The following FANCA variants were observed in gnomAD, a reference collection of about 807,000 sequenced individuals.
FANCA encodes the protein Fanconi anemia group A protein.
A neutral mutation model predicts 194.3 loss-of-function variants in FANCA; 236 were observed. The observed-to-expected ratio is 1.21, with a 90% CI of 1.09 to 1.35. The LOEUF is 1.35. Among genes scored for constraint, FANCA ranks in the 40% most tolerant of loss-of-function variants. The pLI, the probability that FANCA is intolerant of heterozygous loss-of-function variation, is 0.00. For synonymous variants in FANCA, 1,014 were observed against 715.8 expected, an observed-to-expected ratio of 1.42 and a Z score of -6.65; for missense variants, 2,628 against 1,813.9, an observed-to-expected ratio of 1.45 and a Z score of -8.15.
chr16:89,738,587 A>G lies in FANCA; in HGVS notation c.*14T>C, dbSNP rs764735826. 2.5e-6 allele frequency: 4 copies of G among 1,612,982 alleles called. No individual in the cohort carries two copies. In the East Asian group the frequency reaches 8.9e-5, roughly 36 times the overall value. ...TTACACGGGAGCTGGGCTGGTGTGC[A>G]GTGGCAGGTCCCGTCAGAAGAGATG... On this transcript the variant is annotated 3_prime_UTR_variant, in exon 43 of 43. Transcript: ENST00000389301.
chr16:89,775,658 G>A (rs2039475533), intron 21 of FANCA, 84 bp downstream of exon 21: 11 of 1,147,554 alleles, frequency 9.6e-6, no homozygotes, highest in East Asian at 2.5e-5. Context: ...GAGCTCACTC[G>A]GGTGGTGTAG....
In FANCA at chr16:89,739,985, GTTTCTTACCACT is replaced by G. The variant is rs2062087536; in HGVS notation, c.3931_3934+8del. 6.2e-7 allele frequency: 1 copy of G among 1,613,832 alleles called. No individual in the cohort carries two copies. Among genetic ancestry groups the G allele is most frequent in the South Asian group, 1.1e-5 (1 of 91,090 alleles). On this transcript the variant is annotated splice_donor_variant and splice_donor_5th_base_variant and coding_sequence_variant and intron_variant, in exon 39 of 43. Transcript: ENST00000389301. LOFTEE classifies it high-confidence loss of function. ...CTCCGCATTTGTGCCTCAGCAGCGTGTTTCTTACCACTCTCTGTCAACTGAAAGAGTGCCAGC... is the reference window on the plus strand; with the variant it reads ...CTCCGCATTTGTGCCTCAGCAGCGTGCTCTGTCAACTGAAAGAGTGCCAGC...
At chr16:89,787,227 A>G (rs1045580573) in intron 14 of FANCA, among the ~76,000 whole-genome samples, 73 of 152,250 alleles carry the variant, frequency 4.8e-4, no homozygotes, top group African/African-American at 1.7e-3. Context: ...CCAGGAGGTC[A>G]AGACCAGCCA....
chr16:89,803,017 T>C (rs1002153651), intron 8 of FANCA, among the ~76,000 whole-genome samples: 1 of 152,152 alleles, frequency 6.6e-6, no homozygotes, highest in African/African-American at 2.4e-5. Flanking sequence ...AGATTGTATA[T>C]TTCAAAGTAA....
At chr16:89,741,908 A>G (rs1267652098) in intron 37 of FANCA, among the ~76,000 whole-genome samples, 1 of 152,118 alleles carries the variant, frequency 6.6e-6, no homozygotes, top group Non-Finnish European at 1.5e-5. Flanking sequence ...AAGCTGAAGA[A>G]ACGCACTTCA....
In FANCA at chr16:89,803,230, T is replaced by A. The variant is rs770593414; in HGVS notation, c.792+29A>T. The A allele has an allele frequency of 7.5e-6, 12 of 1,605,940 alleles. No homozygotes were observed. The South Asian group carries it at 1.2e-4, about 16-fold the overall frequency. ...TTGGAATAAGGACGGCTCCTTCCGCTAAACTCTTCACTTGACTTTTCCTCC... is the reference window on the plus strand; with the variant it reads ...TTGGAATAAGGACGGCTCCTTCCGCAAAACTCTTCACTTGACTTTTCCTCC... On this transcript the variant is annotated intron_variant, in intron 8 of 42. Coordinates refer to ENST00000389301, the MANE Select transcript of FANCA (RefSeq NM_000135.4).
At chr16:89,784,105 C>T (rs947815043) in intron 15 of FANCA, among the ~76,000 whole-genome samples, 3 of 152,070 alleles carry the variant, frequency 2.0e-5, no homozygotes, top group Non-Finnish European at 2.9e-5. Flanking sequence ...GTGGCTCACA[C>T]CTGTAATCCC....
At chr16:89,776,089 A>G (rs2039491809) in intron 20 of FANCA, among the ~76,000 whole-genome samples, 2 of 151,244 alleles carry the variant, frequency 1.3e-5, no homozygotes, top group Non-Finnish European at 2.9e-5. Context: ...CAGTGAAATT[A>G]TAAATTATTT....
chr16:89,805,332 T>C lies in FANCA; in HGVS notation c.657A>G (p.Glu219=), dbSNP rs761287924. 2 of 1,614,026 alleles carry C rather than the reference T, an allele frequency of 1.2e-6. No individual in the cohort carries two copies. Among genetic ancestry groups the C allele is most frequent in the South Asian group, 1.1e-5 (1 of 91,072 alleles). Residue 219 remains glutamate (E), a synonymous_variant, in exon 7 of 43, where the codon GAA becomes GAG. Transcript: ENST00000389301. The part of the protein sequence containing the change: ...WLFRNLCCLC[E]QMEASCQHAD... ...CATGCTGGCAGGATGCTTCCATCTG[T>C]TCACAAAGGCAGCACAGATTCCTGA...
At chr16:89,789,088 T>G (rs892658383) in intron 14 of FANCA, among the ~76,000 whole-genome samples, 9 of 152,014 alleles carry the variant, frequency 5.9e-5, no homozygotes, top group African/African-American at 2.2e-4. Context: ...CACAAATCTC[T>G]CAGCGCCTCA....
At position 89,737,818 on chromosome 16, in the gene FANCA, A is replaced by G. The variant is rs897527939; in HGVS notation, c.*783T>C. On this transcript the variant is annotated 3_prime_UTR_variant, in exon 43 of 43. Coordinates refer to ENST00000389301, the MANE Select transcript of FANCA (RefSeq NM_000135.4). ...TCTCCCCTCTCAGAGGTGCGGAACT[A>G]TATCTGTGACGAATGTGGACAAACC... The G allele has an allele frequency of 2.7e-5, 44 of 1,614,024 alleles. No homozygotes were observed. The highest frequency in any genetic ancestry group is 3.4e-5 in the Non-Finnish European group (40 of 1,180,048).
At chr16:89,739,644 TG>T (rs2062075315) in intron 39 of FANCA, 91 bp from the exon 40 acceptor site, 1 of 1,507,700 alleles carries the variant, frequency 6.6e-7, no homozygotes, top group Non-Finnish European at 9.0e-7. Context: ...ACGTGTACCC[TG>T]GGAGGCCTGG....
intron 10 of FANCA, among the ~76,000 whole-genome samples, chr16:89,797,431 A>C (rs1467176298): frequency 6.6e-6 from 1 of 152,144 alleles, no homozygotes; most frequent in Non-Finnish European, 1.5e-5. Context: ...CTCTGTGCAA[A>C]CTCAAGACAC....
chr16:89,805,722 CTG>C (rs1352562106), intron 6 of FANCA, among the ~76,000 whole-genome samples: 3 of 152,062 alleles, frequency 2.0e-5, no homozygotes, highest in Non-Finnish European at 4.4e-5. Flanking sequence ...TGGTGTGGCA[CTG>C]TGCCCAGTCT....
intron 30 of FANCA, among the ~76,000 whole-genome samples, chr16:89,753,169 C>T (rs1355477732): frequency 2.0e-5 from 3 of 152,234 alleles, no homozygotes; most frequent in Non-Finnish European, 2.9e-5. Flanking sequence ...CTCTCTGCCT[C>T]AGCTGCCAGG....
chr16:89,750,501 A>AAAC (rs1555539126), intron 31 of FANCA, among the ~76,000 whole-genome samples: 1 of 145,588 alleles, frequency 6.9e-6, no homozygotes, highest in Non-Finnish European at 1.5e-5. Context: ...ACAAACAAAA[A>AAAC]AAAACAGCCA....
At chr16:89,784,602 G>C (rs542749840) in intron 15 of FANCA, among the ~76,000 whole-genome samples, 1 of 152,250 alleles carries the variant, frequency 6.6e-6, no homozygotes, top group African/African-American at 2.4e-5. Context: ...GCCTAGGTGA[G>C]AAAAGGGTTT....
chr16:89,745,591 G>T lies in FANCA; in HGVS notation c.3514-520C>A, dbSNP rs769523221. Among the ~76,000 whole-genome samples the T allele has an allele frequency of 2.7e-5, 2 of 74,272 alleles. 1 individual carries two copies. The highest frequency in any genetic ancestry group is 4.4e-5 in the Non-Finnish European group (2 of 45,930). The allele number at this position is 74,272 out of a possible 152,430, so 48.7% of individuals were successfully genotyped here. ...CTGAGCTGGGAACAAAACAGTGAAG[G>T]GACCACACTGCCCTGAGCTGGGAAC... is the stretch of plus-strand genomic sequence containing the variant. On this transcript the variant is annotated intron_variant, in intron 35 of 42. Transcript: ENST00000389301.
intron 30 of FANCA, among the ~76,000 whole-genome samples, 189 bp from the exon 31 acceptor site, chr16:89,752,411 T>C (rs2038628055): frequency 6.6e-6 from 1 of 152,064 alleles, no homozygotes; most frequent in Non-Finnish European, 1.5e-5. Context: ...AATACAAAAA[T>C]TATGTACCAT....
Sources: allele counts gnomAD v4.1 joint callset (sites outside exome capture counted in the v4.1 genomes callset), GRCh38; gene constraint gnomAD v4.1.1; transcripts MANE v1.5; gene names NCBI Gene and HGNC (gene_info 2026-07-23, HGNC 2026-07-21).